ANKS1B: variants seen among roughly 807,000 people sequenced by gnomAD.
The protein encoded by ANKS1B is ankyrin repeat and sterile alpha motif domain containing 1B.
ANKS1B carries 36 observed loss-of-function variants against 148.3 expected under a neutral mutation model. That is an observed-to-expected ratio of 0.24 (90% CI 0.19 to 0.32). The LOEUF (loss-of-function observed/expected upper bound fraction) is 0.32. Ranked by LOEUF, ANKS1B falls within the 10% of genes least tolerant of loss-of-function variation. The pLI, the probability that ANKS1B is intolerant of heterozygous loss-of-function variation, is 1.00. For synonymous variants in ANKS1B, 542 were observed against 560.8 expected, an observed-to-expected ratio of 0.97 and a Z score of 0.47; for missense variants, 1,157 against 1,542.6, an observed-to-expected ratio of 0.75 and a Z score of 4.19.
intron 17 of ANKS1B, among the ~76,000 whole-genome samples, chr12:99,036,410 G>A (rs907884206): frequency 6.6e-6 from 1 of 151,880 alleles, no homozygotes; most frequent in Non-Finnish European, 1.5e-5. Flanking sequence ...TCCTTACACA[G>A]TTATTTCACT....
intron 9 of ANKS1B, among the ~76,000 whole-genome samples, chr12:99,567,179 T>C (rs555527527): frequency 3.4e-4 from 52 of 152,288 alleles, no homozygotes; most frequent in Non-Finnish European, 7.1e-4. Flanking sequence ...CTTGCAGCTG[T>C]AGGACTCAGG....
chr12:99,443,677 G>A lies in ANKS1B; in HGVS notation c.1571C>T (p.Pro524Leu), dbSNP rs1333928943. 1 of 1,611,412 alleles carries A rather than the reference G, an allele frequency of 6.2e-7. No individual in the cohort carries two copies. Among genetic ancestry groups the A allele is most frequent in the Non-Finnish European group, 8.5e-7 (1 of 1,178,370 alleles). The part of the protein sequence containing the change: ...ALKNIVKVIR[P>L]QPKQRTSIVS... Reference sequence around the variant, plus strand: ...GATGCCATTCTGGGCACTTACCTGGGGTCGAATGACTTTTACAATATTTTT... The same window carrying A: ...GATGCCATTCTGGGCACTTACCTGGAGTCGAATGACTTTTACAATATTTTT... Residue 524 changes from proline to leucine, a missense_variant, in exon 11 of 27, where the codon CCC becomes CTC. By Grantham distance (98) the Pro-to-Leu change is moderately conservative (BLOSUM62 -3). Transcript: ENST00000683438.
intron 15 of ANKS1B, among the ~76,000 whole-genome samples, chr12:99,121,321 A>ACGTGTGTG (rs1009081202): frequency 7.0e-6 from 1 of 142,754 alleles, no homozygotes; most frequent in African/African-American, 2.6e-5. Flanking sequence ...GTATGTAGGT[A>ACGTGTGTG]TGTGTGTGTG....
At chr12:99,654,174 A>G (rs1183851966) in intron 9 of ANKS1B, among the ~76,000 whole-genome samples, 1 of 152,176 alleles carries the variant, frequency 6.6e-6, no homozygotes, top group Non-Finnish European at 1.5e-5. Flanking sequence ...CAACAAATTA[A>G]TATTGAAATT....
chr12:99,089,984 G>A (rs1433060554), intron 15 of ANKS1B, among the ~76,000 whole-genome samples: 1 of 152,182 alleles, frequency 6.6e-6, no homozygotes, highest in Non-Finnish European at 1.5e-5. Context: ...AATGTCTAAT[G>A]CAGGGTGTCT....
chr12:99,904,654 T>A (rs953604713), intron 1 of ANKS1B, among the ~76,000 whole-genome samples: 2 of 152,202 alleles, frequency 1.3e-5, no homozygotes, highest in African/African-American at 4.8e-5. Context: ...TATTCCAGCC[T>A]TGATTAGCAC....
chr12:98,750,143 T>C (rs1350393538), intron 26 of ANKS1B, among the ~76,000 whole-genome samples: 2 of 151,972 alleles, frequency 1.3e-5, no homozygotes, highest in Non-Finnish European at 2.9e-5. Flanking sequence ...AATTGGGGGG[T>C]GCCCAGGGCT....
At chr12:99,665,072 C>T (rs1010343676) in intron 8 of ANKS1B, among the ~76,000 whole-genome samples, 2 of 152,110 alleles carry the variant, frequency 1.3e-5, no homozygotes, top group Non-Finnish European at 2.9e-5. Flanking sequence ...CGAATAAAGT[C>T]GCCATTAACA....
intron 8 of ANKS1B, among the ~76,000 whole-genome samples, chr12:99,667,431 A>G (rs1310178017): frequency 6.6e-5 from 10 of 151,930 alleles, no homozygotes; most frequent in African/African-American, 2.4e-4. Flanking sequence ...AAAAAATTTG[A>G]TTTTTATGTT....
intron 9 of ANKS1B, among the ~76,000 whole-genome samples, chr12:99,519,213 T>A (rs1309875913): frequency 6.6e-6 from 1 of 152,096 alleles, no homozygotes; most frequent in Non-Finnish European, 1.5e-5. Flanking sequence ...GAGTGAGATG[T>A]TTTGTAAGTA....
chr12:99,657,708 CTTTACCAGCTCATGATCAGCTAACAG>C (rs2098456623), intron 8 of ANKS1B, among the ~76,000 whole-genome samples: 1 of 149,616 alleles, frequency 6.7e-6, no homozygotes, highest in Non-Finnish European at 1.5e-5. Context: ...AAGGTATCTC[CTTTACCAGCTCATGATCAGCTAACAG>C]TTTGACCATC....
chr12:99,845,776 G>C (rs1283450787), intron 1 of ANKS1B, among the ~76,000 whole-genome samples: 5 of 151,844 alleles, frequency 3.3e-5, no homozygotes, highest in Non-Finnish European at 5.9e-5. Context: ...CGATTTTTTT[G>C]GAATAGTTTC....
At chr12:99,877,691 C>T (rs1269611600) in intron 1 of ANKS1B, among the ~76,000 whole-genome samples, 3 of 152,238 alleles carry the variant, frequency 2.0e-5, no homozygotes, top group African/African-American at 7.2e-5. Flanking sequence ...TGGGGCTTTT[C>T]GGCTTCTCAA....
At chr12:99,710,457 C>T (rs142821883) in intron 8 of ANKS1B, among the ~76,000 whole-genome samples, 16 of 152,090 alleles carry the variant, frequency 1.1e-4, no homozygotes, top group Non-Finnish European at 1.9e-4. Flanking sequence ...TAAGACAGGG[C>T]GAATCCAGGC....
chr12:99,122,413 G>T (rs749658250), intron 15 of ANKS1B, among the ~76,000 whole-genome samples: 3 of 152,118 alleles, frequency 2.0e-5, no homozygotes, highest in South Asian at 2.1e-4. Flanking sequence ...CCATTTTCTG[G>T]TTTTTACATG....
intron 1 of ANKS1B, among the ~76,000 whole-genome samples, chr12:99,935,437 G>A (rs2094740331): frequency 6.6e-6 from 1 of 151,556 alleles, no homozygotes; most frequent in Non-Finnish European, 1.5e-5. Context: ...TCAGGAGTCT[G>A]AATTAGCTAG....
chr12:99,815,225 T>C (rs1261878534), intron 2 of ANKS1B, among the ~76,000 whole-genome samples: 3 of 151,790 alleles, frequency 2.0e-5, no homozygotes, highest in Non-Finnish European at 4.4e-5. Context: ...GTAAGTGATA[T>C]ACATTCATTC....
intron 17 of ANKS1B, among the ~76,000 whole-genome samples, chr12:98,939,924 C>A (rs939180284): frequency 2.6e-5 from 4 of 152,170 alleles, no homozygotes; most frequent in Non-Finnish European, 5.9e-5. Flanking sequence ...CCCCTAAATA[C>A]CCATTTGTCC....
At chr12:99,929,722 C>T (rs2153807005) in intron 1 of ANKS1B, among the ~76,000 whole-genome samples, 1 of 152,280 alleles carries the variant, frequency 6.6e-6, no homozygotes, top group Non-Finnish European at 1.5e-5. Flanking sequence ...ATGTGGCTAG[C>T]CAGTTTTCCC....
Sources: allele counts gnomAD v4.1 joint callset (sites outside exome capture counted in the v4.1 genomes callset), GRCh38; gene constraint gnomAD v4.1.1; transcripts MANE v1.5; gene names NCBI Gene and HGNC (gene_info 2026-07-23, HGNC 2026-07-21).